The following GBE1 variants were observed in gnomAD, a reference collection of about 807,000 sequenced individuals.
GBE1 encodes the protein 1,4-alpha-glucan branching enzyme 1.
A neutral mutation model predicts 88.8 loss-of-function variants in GBE1; 70 were observed. The observed-to-expected ratio is 0.79, with a 90% CI of 0.65 to 0.96. The LOEUF (loss-of-function observed/expected upper bound fraction) is 0.96. Ranked by LOEUF, GBE1 falls within the 40% of genes least tolerant of loss-of-function variation. The pLI, the probability that GBE1 is intolerant of heterozygous loss-of-function variation, is 0.00. For synonymous variants in GBE1, 284 were observed against 300.1 expected, an observed-to-expected ratio of 0.95 and a Z score of 0.56; for missense variants, 872 against 871.0, an observed-to-expected ratio of 1.00 and a Z score of -0.01.
In GBE1 at chr3:81,526,232, T is replaced by C. The variant is rs201930892; in HGVS notation, c.1934+8963A>G. On this transcript the variant is annotated intron_variant, in intron 14 of 15. Transcript: ENST00000429644. ...GTCCCACAGATTCTGGTATGTTGTG[T>C]CTTTGTTTACGACAAACCCACAGCC... Among the ~76,000 whole-genome samples the C allele has an allele frequency of 3.3e-5, 5 of 151,972 alleles. No homozygotes were observed. The East Asian group carries it at 9.7e-4, about 30-fold the overall frequency.
chr3:81,609,099 T>C (rs1162873525), intron 7 of GBE1, among the ~76,000 whole-genome samples: 1 of 152,154 alleles, frequency 6.6e-6, no homozygotes, highest in Non-Finnish European at 1.5e-5. Context: ...CCACCTCTGG[T>C]GATAAGAACA....
intron 14 of GBE1, among the ~76,000 whole-genome samples, chr3:81,501,385 G>C (rs1702584025): frequency 6.6e-6 from 1 of 152,090 alleles, no homozygotes; most frequent in African/African-American, 2.4e-5. Context: ...CTTTTTCACG[G>C]GCAATTTTAT....
chr3:81,654,165 CATT>C (rs1418722210), intron 3 of GBE1, among the ~76,000 whole-genome samples: 1 of 152,030 alleles, frequency 6.6e-6, no homozygotes, highest in Non-Finnish European at 1.5e-5. Context: ...CATCAAAAGA[CATT>C]ATTAGATTAC....
At chr3:81,551,475 CAA>C (rs762109738) in intron 12 of GBE1, among the ~76,000 whole-genome samples, 1 of 152,166 alleles carries the variant, frequency 6.6e-6, no homozygotes, top group Non-Finnish European at 1.5e-5. Flanking sequence ...CGCTTCTATT[CAA>C]AGTCACCCCT....
At chr3:81,622,645 T>C (rs187779483) in intron 7 of GBE1, among the ~76,000 whole-genome samples, 1 of 152,324 alleles carries the variant, frequency 6.6e-6, no homozygotes, top group East Asian at 1.9e-4. Context: ...ATCTCGCACT[T>C]GTGATATCCA....
At chr3:81,582,952 T>G (rs1026396380) in intron 10 of GBE1, among the ~76,000 whole-genome samples, 1 of 152,018 alleles carries the variant, frequency 6.6e-6, no homozygotes, top group Admixed American at 6.6e-5. Context: ...AGCATCAGAC[T>G]AGGAGAAAAA....
chr3:81,606,587 C>T (rs1218480664), intron 7 of GBE1, among the ~76,000 whole-genome samples: 1 of 152,218 alleles, frequency 6.6e-6, no homozygotes, highest in Non-Finnish European at 1.5e-5. Context: ...AGCTATAGTG[C>T]CCTTTTTTCT....
rs1559708867 is a variant in GBE1, at chr3:81,750,647, A to ATATATATATACGTATATATATATATG, written c.143+10727_143+10728insCATATATATATATACGTATATATATA. 2.3e-4 allele frequency among the ~76,000 whole-genome samples: 11 copies of ATATATATATACGTATATATATATATG among 48,358 alleles called. 1 individual carries two copies. The highest frequency in any genetic ancestry group is 1.1e-3 in the South Asian group (2 of 1,794). 31.7% of individuals were successfully genotyped at this position (48,358 alleles called of 152,430 possible). A position where few individuals can be genotyped will look rare whatever the true frequency, so the allele number is the denominator to read the frequency against. ...TATATATACGTATATATATATATGTATATATATATATGTATATATATATAT... is the reference window on the plus strand; with the variant it reads ...TATATATACGTATATATATATATGTATATATATATACGTATATATATATATGTATATATATATGTATATATATATAT... On this transcript the variant is annotated intron_variant, in intron 1 of 15. Transcript: ENST00000429644.
intron 14 of GBE1, among the ~76,000 whole-genome samples, chr3:81,515,256 C>G (rs1190652723): frequency 6.6e-6 from 1 of 151,270 alleles, no homozygotes; most frequent in African/African-American, 2.4e-5. Context: ...TTTGGTAGTT[C>G]TTGCATTATT....
rs868434802 is a variant in GBE1 at position 81,733,009 on chromosome 3, G to A, written c.144-27396C>T. On this transcript the variant is annotated intron_variant, in intron 1 of 15. Transcript: ENST00000429644. This position sits in a 1 kb window ranked among gnomAD's most constrained non-coding sequence, Gnocchi z 4.0. ...ATACTCTAGGCCAGGGGTCCCCACCGGTCCATGGCCTGTTAGGAATTGTGT... is the reference window on the plus strand; with the variant it reads ...ATACTCTAGGCCAGGGGTCCCCACCAGTCCATGGCCTGTTAGGAATTGTGT... Among the ~76,000 whole-genome samples, 5 of 152,034 alleles carry A rather than the reference G, an allele frequency of 3.3e-5. No individual in the cohort carries two copies. The highest frequency in any genetic ancestry group is 4.1e-4 in the South Asian group (2 of 4,820).
chr3:81,688,120 T>C (rs1356870992), intron 2 of GBE1, among the ~76,000 whole-genome samples: 1 of 152,210 alleles, frequency 6.6e-6, no homozygotes, highest in Non-Finnish European at 1.5e-5. Flanking sequence ...ATGCTTACTA[T>C]TGTTACACAA....
At chr3:81,750,360 CTT>C (rs1383514243) in intron 1 of GBE1, among the ~76,000 whole-genome samples, 1 of 150,974 alleles carries the variant, frequency 6.6e-6, no homozygotes, top group Non-Finnish European at 1.5e-5. Flanking sequence ...GCTTTAAAGA[CTT>C]AGCATAAATT....
chr3:81,638,257 G>A (rs1704619790), intron 7 of GBE1, among the ~76,000 whole-genome samples: 1 of 152,052 alleles, frequency 6.6e-6, no homozygotes, highest in Non-Finnish European at 1.5e-5. Context: ...AACTCAAGCT[G>A]ATGAAATATA....
Position 81,684,691 on chromosome 3 carries a change from G to T in GBE1, c.314-13738C>A, listed in dbSNP as rs982395571. Reference sequence around the variant, plus strand: ...AGAAATTTAACTAGATTTTATGTTTGCCCTCTCAATTAAAGCCATCCTGGA... The same window carrying T: ...AGAAATTTAACTAGATTTTATGTTTTCCCTCTCAATTAAAGCCATCCTGGA... On this transcript the variant is annotated intron_variant, in intron 2 of 15. Coordinates refer to ENST00000429644, the MANE Select transcript of GBE1 (RefSeq NM_000158.4). Among the ~76,000 whole-genome samples, 14 of 152,238 alleles carry T rather than the reference G, an allele frequency of 9.2e-5. No individual in the cohort carries two copies. In the Middle Eastern group the frequency reaches 0.01, roughly 111 times the overall value.
intron 12 of GBE1, among the ~76,000 whole-genome samples, chr3:81,568,076 A>G (rs1405962374): frequency 1.3e-5 from 2 of 152,032 alleles, no homozygotes; most frequent in African/African-American, 2.4e-5. Flanking sequence ...CTCTCTTTAG[A>G]GAGTGTTTTT....
At chr3:81,658,637 A>T (rs1318170304) in intron 3 of GBE1, among the ~76,000 whole-genome samples, 2 of 152,180 alleles carry the variant, frequency 1.3e-5, no homozygotes, top group African/African-American at 4.8e-5. Context: ...GTTAAGGAGT[A>T]TTACAATTGT....
chr3:81,633,053 A>C (rs1473020892), intron 7 of GBE1, among the ~76,000 whole-genome samples: 1 of 152,200 alleles, frequency 6.6e-6, no homozygotes, highest in Non-Finnish European at 1.5e-5. Context: ...AAATAGCTTG[A>C]CATCCTTTTA....
chr3:81,567,044 AGCTGTCT>A (rs1029268281), intron 12 of GBE1, among the ~76,000 whole-genome samples: 5 of 152,282 alleles, frequency 3.3e-5, no homozygotes, highest in African/African-American at 1.2e-4. Flanking sequence ...ACCTCAAAAG[AGCTGTCT>A]GCAAAAGCAT....
intron 2 of GBE1, among the ~76,000 whole-genome samples, chr3:81,694,953 C>T (rs1321372605): frequency 6.6e-6 from 1 of 152,148 alleles, no homozygotes; most frequent in Non-Finnish European, 1.5e-5. Flanking sequence ...TGACAGTTCA[C>T]AGTCGCCAAG....
Sources: allele counts gnomAD v4.1 joint callset (sites outside exome capture counted in the v4.1 genomes callset), GRCh38; gene constraint gnomAD v4.1.1; non-coding constraint Gnocchi (gnomAD v3.1); transcripts MANE v1.5; gene names NCBI Gene and HGNC (gene_info 2026-07-23, HGNC 2026-07-21).